RIMBP2: variants seen among roughly 807,000 people sequenced by gnomAD.
RIMBP2 encodes the protein RIMS binding protein 2, also known as RIMS-binding protein 2.
A neutral mutation model predicts 118.6 loss-of-function variants in RIMBP2; 48 were observed. The observed-to-expected ratio is 0.40, with a 90% CI of 0.32 to 0.51. RIMBP2 has a LOEUF of 0.51. Ranked by LOEUF, RIMBP2 falls within the 20% of genes least tolerant of loss-of-function variation. The pLI is 0.41. For synonymous variants in RIMBP2, 762 were observed against 742.9 expected (o/e 1.03, Z -0.42); for missense variants, 1,551 against 1,768.3 (o/e 0.88, Z 2.20).
rs1038292172 is a variant in RIMBP2 at position 130,470,759 on chromosome 12, A to G, written c.103-16T>C. 8.2e-6 allele frequency: 10 copies of G among 1,225,988 alleles called. No individual in the cohort carries two copies. The highest frequency in any genetic ancestry group is 1.0e-5 in the Non-Finnish European group (10 of 982,468). 75.9% of individuals were successfully genotyped at this position (1,225,988 alleles called of 1,614,324 possible). A position where few individuals can be genotyped will look rare whatever the true frequency, so the allele number is the denominator to read the frequency against. ...CAACCTGAGCCTTTTTTATGATGAA[A>G]AGAGAGAAAAGAGTAAATGTCCAAA... On this transcript the variant is annotated splice_polypyrimidine_tract_variant and intron_variant, in intron 5 of 22. Coordinates refer to ENST00000690449, the MANE Select transcript of RIMBP2 (RefSeq NM_001393629.1).
intron 1 of RIMBP2, among the ~76,000 whole-genome samples, chr12:130,662,386 G>T (rs1462961551): frequency 6.6e-6 from 1 of 152,158 alleles, no homozygotes; most frequent in Non-Finnish European, 1.5e-5. Context: ...GGCGGAGCGC[G>T]GTGGCTCACG....
chr12:130,638,630 G>A (rs905910607), intron 1 of RIMBP2, among the ~76,000 whole-genome samples: 1 of 152,142 alleles, frequency 6.6e-6, no homozygotes, highest in Non-Finnish European at 1.5e-5. Flanking sequence ...AATGCCTGAT[G>A]ATCTGAGGTT....
Position 130,670,220 on chromosome 12 carries a change from G to A in RIMBP2, c.-351-41764C>T, listed in dbSNP as rs1200803046. Among the ~76,000 whole-genome samples the A allele has an allele frequency of 2.0e-5, 3 of 151,976 alleles. No individual in the cohort carries two copies. The highest frequency in any genetic ancestry group is 2.9e-5 in the Non-Finnish European group (2 of 67,988). ...CCCTTGAGCTCTGGGAGGGAGCACA[G>A]CCCCGCCGACACCATGATCCCGGCC... On this transcript the variant is annotated intron_variant, in intron 1 of 22. Transcript: ENST00000690449. This position sits in a 1 kb window ranked among gnomAD's most constrained non-coding sequence, Gnocchi z 4.9.
At chr12:130,500,415 G>T (rs60921151) in intron 4 of RIMBP2, among the ~76,000 whole-genome samples, 2 of 152,082 alleles carry the variant, frequency 1.3e-5, no homozygotes, top group East Asian at 3.8e-4. Context: ...CCCAGATCAC[G>T]CCACTGCACT....
In RIMBP2 at chr12:130,710,368, G is replaced by T. The variant is rs1949821652; in HGVS notation, c.-352+5854C>A. Among the ~76,000 whole-genome samples the T allele has an allele frequency of 6.6e-6, 1 of 152,052 alleles. No homozygotes were observed. Among genetic ancestry groups the T allele is most frequent in the African/African-American group, 2.4e-5 (1 of 41,394 alleles). ...ACCCTCTGCTGGGCACTCCATCAGG[G>T]CAGCTGTCTCTGGTGTAGTGATTAT... On this transcript the variant is annotated intron_variant, in intron 1 of 22. Transcript: ENST00000690449. This position sits in a 1 kb window ranked among gnomAD's most constrained non-coding sequence, Gnocchi z 4.3.
intron 14 of RIMBP2, among the ~76,000 whole-genome samples, chr12:130,433,066 GAAC>G (rs2077253166): frequency 1.3e-5 from 2 of 151,006 alleles, no homozygotes; most frequent in South Asian, 4.2e-4. Context: ...CTAAACTCCA[GAAC>G]AACAGGCGCT....
intron 2 of RIMBP2, among the ~76,000 whole-genome samples, chr12:130,571,191 G>C (rs1409152178): frequency 1.4e-5 from 2 of 147,438 alleles, no homozygotes; most frequent in African/African-American, 5.0e-5. Flanking sequence ...GAGAAAGACT[G>C]GGGGGTTACT....
chr12:130,455,072 C>G (rs2079307353), intron 7 of RIMBP2, among the ~76,000 whole-genome samples: 1 of 152,118 alleles, frequency 6.6e-6, no homozygotes, highest in African/African-American at 2.4e-5. Context: ...AGGAAAAGCT[C>G]TGGACCCAAG....
intron 1 of RIMBP2, among the ~76,000 whole-genome samples, chr12:130,646,087 TTCCCTCTCCACC>T (rs1161616640): frequency 0.031 from 1,862 of 60,432 alleles, 132 homozygotes; most frequent in African/African-American, 0.066. Flanking sequence ...CCCTCACCAC[TTCCCTCTCCACC>T]TCCCTCTCCA....
At chr12:130,448,965 G>A (rs1223256261) in intron 9 of RIMBP2, among the ~76,000 whole-genome samples, 1 of 152,356 alleles carries the variant, frequency 6.6e-6, no homozygotes, top group East Asian at 1.9e-4. Context: ...TGTATGGACT[G>A]GCTTAAATCA....
chr12:130,495,452 T>C (rs1229056434), intron 4 of RIMBP2, among the ~76,000 whole-genome samples: 2 of 152,188 alleles, frequency 1.3e-5, no homozygotes, highest in Admixed American at 1.3e-4. Flanking sequence ...AACAGACATG[T>C]GCAGGGTGCC....
chr12:130,444,915 G>A (rs759926748), intron 10 of RIMBP2, among the ~76,000 whole-genome samples: 1 of 152,190 alleles, frequency 6.6e-6, no homozygotes, highest in Non-Finnish European at 1.5e-5. Flanking sequence ...AGAGGTTAGC[G>A]GAAAACATCT....
intron 1 of RIMBP2, among the ~76,000 whole-genome samples, chr12:130,654,226 T>C (rs1386561987): frequency 1.3e-5 from 2 of 152,250 alleles, no homozygotes; most frequent in East Asian, 3.8e-4. Context: ...GTCATTTCTT[T>C]GCTTCTGTAT....
rs556106228 is a variant in RIMBP2 at position 130,624,387 on chromosome 12, G to A, written c.-217+3935C>T. Among the ~76,000 whole-genome samples, 3 of 152,306 alleles carry A rather than the reference G, an allele frequency of 2.0e-5. No individual in the cohort carries two copies. The South Asian group carries it at 6.2e-4, about 32-fold the overall frequency. ...AATTAAAAGTTGCAGAACAGATTAT[G>A]TGTGTACTTGGACATGCACACATGG... is the stretch of plus-strand genomic sequence containing the variant. On this transcript the variant is annotated intron_variant, in intron 2 of 22. Coordinates refer to ENST00000690449, the MANE Select transcript of RIMBP2 (RefSeq NM_001393629.1).
chr12:130,535,736 T>TATATAC (rs1284822948), intron 2 of RIMBP2, among the ~76,000 whole-genome samples: 210 of 17,912 alleles, frequency 0.012, 1 homozygote, highest in Middle Eastern at 0.083. Context: ...TACATATATA[T>TATATAC]ACATATATAT....
intron 1 of RIMBP2, among the ~76,000 whole-genome samples, chr12:130,708,669 C>T (rs1011774862): frequency 3.3e-5 from 5 of 152,112 alleles, no homozygotes; most frequent in Non-Finnish European, 5.9e-5. Context: ...CTGGGCGACA[C>T]AGTGAGACCC....
At chr12:130,438,335 A>ACCACC in intron 12 of RIMBP2, 30 bp downstream of exon 12, 2 of 865,014 alleles carry the variant, frequency 2.3e-6, no homozygotes, top group Middle Eastern at 2.3e-4. Context: ...GGCCTAACAA[A>ACCACC]CCCTCCCCAC....
At chr12:130,476,901 G>A (rs996018650) in intron 5 of RIMBP2, among the ~76,000 whole-genome samples, 2 of 152,156 alleles carry the variant, frequency 1.3e-5, no homozygotes, top group Admixed American at 6.5e-5. Context: ...GCTGAATGAC[G>A]GTACGACGGA....
rs1479983054 is a variant in RIMBP2, at chr12:130,710,431, CACAT to C, written c.-352+5787_-352+5790del. 6.6e-6 allele frequency among the ~76,000 whole-genome samples: 1 copy of C among 152,120 alleles called. No homozygotes were observed. Among genetic ancestry groups the C allele is most frequent in the Non-Finnish European group, 1.5e-5 (1 of 68,020 alleles). On this transcript the variant is annotated intron_variant, in intron 1 of 22. Transcript: ENST00000690449. The surrounding 1 kb of genome is among the most constrained non-coding windows in gnomAD (Gnocchi z 4.3). ...CCGTTGTCTTACACATGCACACACA[CACAT>C]ACACGCAGGCGCACACACACACATA...
Sources: allele counts gnomAD v4.1 joint callset (sites outside exome capture counted in the v4.1 genomes callset), GRCh38; gene constraint gnomAD v4.1.1; non-coding constraint Gnocchi (gnomAD v3.1); transcripts MANE v1.5; gene names NCBI Gene and HGNC (gene_info 2026-07-23, HGNC 2026-07-21).